DNMBP: variants seen among roughly 807,000 people sequenced by gnomAD.
DNMBP encodes the protein dynamin binding protein.
Under a neutral mutation model 150.0 loss-of-function variants are expected in DNMBP, and 87 were observed. The observed-to-expected ratio is 0.58, with a 90% CI of 0.49 to 0.69. The LOEUF (loss-of-function observed/expected upper bound fraction) is 0.69, where lower values mean the gene tolerates loss of function less well. Ranked by LOEUF, DNMBP falls within the 30% of genes least tolerant of loss-of-function variation. The pLI is 0.00. For synonymous variants in DNMBP, 711 were observed against 750.4 expected, an observed-to-expected ratio of 0.95 and a Z score of 0.86; for missense variants, 1,774 against 1,949.0, an observed-to-expected ratio of 0.91 and a Z score of 1.69.
intron 1 of DNMBP, among the ~76,000 whole-genome samples, chr10:100,008,099 AGGCTCGGT>A (rs1480819668): frequency 6.6e-6 from 1 of 152,238 alleles, no homozygotes; most frequent in Admixed American, 6.5e-5. Flanking sequence ...GCCAAAAGCC[AGGCTCGGT>A]GGCTCACGCC....
At chr10:99,887,978 C>T (rs1421216417) in intron 12 of DNMBP, among the ~76,000 whole-genome samples, 4 of 152,046 alleles carry the variant, frequency 2.6e-5, no homozygotes, top group African/African-American at 7.3e-5. Flanking sequence ...GTGTGCGCCA[C>T]CACACCTGGC....
At chr10:99,963,321 T>G (rs1441063987) in intron 3 of DNMBP, among the ~76,000 whole-genome samples, 5 of 151,136 alleles carry the variant, frequency 3.3e-5, no homozygotes, top group Admixed American at 3.3e-4. Flanking sequence ...TCCTCCCACC[T>G]AGGCCTCCTA....
At chr10:99,979,529 T>C (rs915277230) in intron 1 of DNMBP, among the ~76,000 whole-genome samples, 2 of 152,192 alleles carry the variant, frequency 1.3e-5, no homozygotes, top group South Asian at 2.1e-4. Context: ...AGATAAGTTA[T>C]AGTCCCTGCA....
rs371479922 is a variant in DNMBP at position 99,889,282 on chromosome 10, G to A, written c.3157-329C>T. ...ACCAAGATGATTCCTATAGGATTAC[G>A]ATAATGACCAGTCACCTCTCCTTCC... is the stretch of plus-strand genomic sequence containing the variant. On this transcript the variant is annotated intron_variant, in intron 11 of 16. Transcript: ENST00000324109. 252 of 179,294 alleles carry A rather than the reference G, an allele frequency of 1.4e-3. 1 individual carries two copies. Among genetic ancestry groups the A allele is most frequent in the African/African-American group, 5.7e-3 (239 of 42,056 alleles). The allele number at this position is 179,294 out of a possible 1,614,324, so 11.1% of individuals were successfully genotyped here.
intron 4 of DNMBP, among the ~76,000 whole-genome samples, chr10:99,914,810 G>A (rs2039942943): frequency 1.3e-5 from 2 of 151,956 alleles, no homozygotes; most frequent in Middle Eastern, 3.2e-3. Context: ...ATATAGGCTG[G>A]GCGCAGTGGC....
intron 3 of DNMBP, among the ~76,000 whole-genome samples, chr10:99,968,107 G>A (rs144001877): frequency 3.2e-4 from 49 of 152,266 alleles, no homozygotes; most frequent in African/African-American, 1.2e-3. Flanking sequence ...CAACTCAAGC[G>A]ATCCTCTTGC....
At chr10:100,006,943 G>A (rs142779320) in intron 1 of DNMBP, among the ~76,000 whole-genome samples, 4 of 152,140 alleles carry the variant, frequency 2.6e-5, no homozygotes, top group South Asian at 2.1e-4. Flanking sequence ...GTGAAACCCC[G>A]CGTCTACTAA....
intron 3 of DNMBP, among the ~76,000 whole-genome samples, chr10:99,965,342 T>C (rs1208811755): frequency 6.6e-6 from 1 of 152,206 alleles, no homozygotes; most frequent in Non-Finnish European, 1.5e-5. Context: ...CCCTAAGCTA[T>C]ACTGCCTGCT....
intron 2 of DNMBP, among the ~76,000 whole-genome samples, chr10:99,970,758 G>A (rs1013289002): frequency 2.0e-5 from 3 of 151,716 alleles, no homozygotes; most frequent in African/African-American, 4.8e-5. Flanking sequence ...GGATCATGAC[G>A]TCAGGAGATT....
chr10:99,893,814 C>G (rs1178984290), intron 11 of DNMBP, among the ~76,000 whole-genome samples: 1 of 152,134 alleles, frequency 6.6e-6, no homozygotes, highest in Non-Finnish European at 1.5e-5. Flanking sequence ...TAGTGTATCT[C>G]CCACCTACAC....
intron 4 of DNMBP, chr10:99,929,829 A>T: frequency 1.4e-6 from 1 of 702,892 alleles, no homozygotes; most frequent in Non-Finnish European, 2.6e-6. Flanking sequence ...ATCCAGAAGG[A>T]TCCTGCTGCC....
chr10:99,895,117 G>A (rs2039633122), intron 10 of DNMBP, 67 bp from the exon 11 acceptor site: 2 of 768,514 alleles, frequency 2.6e-6, no homozygotes, highest in Non-Finnish European at 4.0e-6. Context: ...GGCAAAAGTA[G>A]CTTGCTTTTT....
intron 1 of DNMBP, among the ~76,000 whole-genome samples, chr10:99,996,048 T>C (rs1256173391): frequency 6.6e-6 from 1 of 152,252 alleles, no homozygotes; most frequent in Non-Finnish European, 1.5e-5. Flanking sequence ...ATTTTTATTG[T>C]TAGCTGATCA....
chr10:99,909,892 C>T (rs1339457200), intron 4 of DNMBP, among the ~76,000 whole-genome samples: 5 of 152,190 alleles, frequency 3.3e-5, no homozygotes, highest in African/African-American at 1.2e-4. Context: ...TGTATCCTGT[C>T]ATTAGCTTTT....
intron 4 of DNMBP, among the ~76,000 whole-genome samples, chr10:99,920,756 A>T (rs1044200980): frequency 2.0e-5 from 3 of 151,970 alleles, no homozygotes; most frequent in Admixed American, 1.3e-4. Context: ...GCAGCGGCAC[A>T]CTCAAAGCTC....
chr10:99,961,114 A>T (rs988465497), intron 3 of DNMBP, among the ~76,000 whole-genome samples: 18 of 151,584 alleles, frequency 1.2e-4, no homozygotes, highest in Admixed American at 6.6e-5. Flanking sequence ...TGCCTTTTGC[A>T]TGGCAAGCAC....
chr10:99,968,886 T>A (rs1283635751), intron 3 of DNMBP, among the ~76,000 whole-genome samples: 1 of 152,038 alleles, frequency 6.6e-6, no homozygotes, highest in Non-Finnish European at 1.5e-5. Flanking sequence ...CTTTCCTACC[T>A]CCCAGGTCTG....
At chr10:99,940,833 C>A (rs141687085) in intron 4 of DNMBP, among the ~76,000 whole-genome samples, 46 of 152,286 alleles carry the variant, frequency 3.0e-4, no homozygotes, top group African/African-American at 1.1e-3. Flanking sequence ...ATCCCACAGT[C>A]ATTTTGGAGA....
rs770552124 is a variant in DNMBP, at chr10:99,886,301, G to A, written c.3617C>T (p.Ser1206Leu). 8.1e-6 allele frequency: 13 copies of A among 1,609,694 alleles called. No homozygotes were observed. Among genetic ancestry groups the A allele is most frequent in the South Asian group, 7.7e-5 (7 of 90,946 alleles). ...QALEQLKPLL[S>L]LLKVAGREGN... ...CCACTGAACAGGTAAGAAACTCACC[G>A]AAAGCAGTGGCTTTAATTGCTCCAG... Residue 1206 changes from serine (S) to leucine (L), a missense_variant and splice_region_variant, in exon 13 of 17, where the codon TCG becomes TTG. Physicochemically the swap from Ser to Leu is moderately radical, Grantham distance 145 (BLOSUM62 -2). Coordinates refer to ENST00000324109, the MANE Select transcript of DNMBP (RefSeq NM_015221.4).
Sources: gnomAD v4.1 joint callset for allele counts (sites outside exome capture counted in the v4.1 genomes callset) on GRCh38, gnomAD v4.1.1 for gene constraint, MANE v1.5 for transcripts, NCBI Gene and HGNC (gene_info 2026-07-23, HGNC 2026-07-21) for gene names.